The following GOLM2 variants were observed in gnomAD, a reference collection of about 807,000 sequenced individuals.
The protein encoded by GOLM2 is golgi membrane protein 2, also known as protein GOLM2.
Under a neutral mutation model 55.9 loss-of-function variants are expected in GOLM2, and 26 were observed. That is an observed-to-expected ratio of 0.47 (90% CI 0.34 to 0.65). The LOEUF (loss-of-function observed/expected upper bound fraction) is 0.65, where lower values mean the gene tolerates loss of function less well. Among genes scored for constraint, GOLM2 ranks in the 30% least tolerant of loss-of-function variants. GOLM2 has a pLI of 0.01. For synonymous variants in GOLM2, 165 were observed against 194.6 expected (o/e 0.85, Z 1.27); for missense variants, 486 against 531.8 (o/e 0.91, Z 0.85).
intron 6 of GOLM2, 37 bp downstream of exon 6, chr15:44,338,354 T>A: frequency 6.8e-7 from 1 of 1,463,474 alleles, no homozygotes; most frequent in Non-Finnish European, 9.6e-7. Flanking sequence ...ACTAAAGTGA[T>A]GATAATACAT....
chr15:44,313,609 T>A (rs949689773), intron 1 of GOLM2, among the ~76,000 whole-genome samples: 11 of 152,224 alleles, frequency 7.2e-5, no homozygotes, highest in African/African-American at 2.7e-4. Context: ...TTGTTTCTTA[T>A]ATATTGCTGT....
At chr15:44,410,092 T>C (rs2079627181) in intron 9 of GOLM2, among the ~76,000 whole-genome samples, 1 of 152,122 alleles carries the variant, frequency 6.6e-6, no homozygotes, top group Non-Finnish European at 1.5e-5. Context: ...TTCTATAATG[T>C]GGATCCTAAG....
intron 8 of GOLM2, among the ~76,000 whole-genome samples, chr15:44,392,945 C>T (rs1200238439): frequency 6.6e-6 from 1 of 152,070 alleles, no homozygotes; most frequent in African/African-American, 2.4e-5. Flanking sequence ...ATGATTAATT[C>T]TCAAAAACCT....
chr15:44,297,160 C>T (rs56307786), intron 1 of GOLM2, among the ~76,000 whole-genome samples: 1 of 152,030 alleles, frequency 6.6e-6, no homozygotes, highest in Admixed American at 6.6e-5. Context: ...GTTACTTGAT[C>T]GAATTAAAAA....
intron 1 of GOLM2, among the ~76,000 whole-genome samples, chr15:44,300,865 A>G (rs1474412569): frequency 6.6e-6 from 1 of 152,088 alleles, no homozygotes; most frequent in Non-Finnish European, 1.5e-5. Context: ...CTTGTTCTTA[A>G]TTAACTTTAT....
At chr15:44,374,661 T>C (rs1352867180) in intron 6 of GOLM2, among the ~76,000 whole-genome samples, 2 of 152,096 alleles carry the variant, frequency 1.3e-5, no homozygotes, top group African/African-American at 4.8e-5. Flanking sequence ...CATCTTCACA[T>C]GGCCGGAGAA....
intron 8 of GOLM2, among the ~76,000 whole-genome samples, chr15:44,386,285 A>G (rs1182875376): frequency 6.6e-6 from 1 of 152,210 alleles, no homozygotes; most frequent in African/African-American, 2.4e-5. Flanking sequence ...TTTATTGAAA[A>G]GACTCTTCAT....
chr15:44,408,173 T>G (rs541879572), intron 9 of GOLM2, among the ~76,000 whole-genome samples: 4 of 152,342 alleles, frequency 2.6e-5, no homozygotes, highest in African/African-American at 9.6e-5. Flanking sequence ...GATGAACTAT[T>G]TAAAATTTTG....
intron 8 of GOLM2, among the ~76,000 whole-genome samples, chr15:44,397,508 C>CCACACA (rs10695192): frequency 3.1e-5 from 4 of 130,006 alleles, no homozygotes; most frequent in East Asian, 4.5e-4. Context: ...AAAAACAAAA[C>CCACACA]CACACACACA....
intron 6 of GOLM2, among the ~76,000 whole-genome samples, chr15:44,339,990 T>G (rs2079080552): frequency 6.6e-6 from 1 of 151,662 alleles, no homozygotes; most frequent in African/African-American, 2.4e-5. Flanking sequence ...TGACTAATTT[T>G]TATAGTTTTT....
At position 44,389,745 on chromosome 15, in the gene GOLM2, G is replaced by A. The variant is rs117426702; in HGVS notation, c.1072+8769G>A. 2.8e-4 allele frequency among the ~76,000 whole-genome samples: 42 copies of A among 152,240 alleles called. No homozygotes were observed. The East Asian group carries it at 6.9e-3, about 25-fold the overall frequency. The stretch of plus-strand genomic sequence containing the variant: ...CACCCAGGTTGTACTGCATTAGCAC[G>A]TTCATAGCTCACTACAACCTTGACC... On this transcript the variant is annotated intron_variant, in intron 8 of 9. Transcript: ENST00000299957.
chr15:44,374,375 A>G (rs1197278929), intron 6 of GOLM2, among the ~76,000 whole-genome samples: 1 of 152,008 alleles, frequency 6.6e-6, no homozygotes, highest in East Asian at 1.9e-4. Flanking sequence ...GAGGCCAGGC[A>G]CGATGGTTCA....
In GOLM2 at chr15:44,414,181, C is replaced by A. The variant is rs2079658352; in HGVS notation, c.*775C>A. The A allele has an allele frequency of 6.6e-6, 1 of 152,170 alleles. No individual in the cohort carries two copies. The highest frequency in any genetic ancestry group is 2.4e-5 in the African/African-American group (1 of 41,428). 9.4% of individuals were successfully genotyped at this position (152,170 alleles called of 1,614,324 possible). On this transcript the variant is annotated 3_prime_UTR_variant, in exon 10 of 10. Coordinates refer to ENST00000299957, the MANE Select transcript of GOLM2 (RefSeq NM_138423.4). ...CCCAACAGCTGTTCTGTTCTATCTA[C>A]CCCTCATTTCACGCTCAAGGAGTCA... is the stretch of plus-strand genomic sequence containing the variant.
chr15:44,410,989 G>T, intron 9 of GOLM2, among the ~76,000 whole-genome samples: 2 of 133,228 alleles, frequency 1.5e-5, no homozygotes, highest in African/African-American at 5.4e-5. Context: ...GAAAGTTGTT[G>T]AAAAAGAAAG....
At chr15:44,362,259 T>A in intron 6 of GOLM2, among the ~76,000 whole-genome samples, 1 of 152,128 alleles carries the variant, frequency 6.6e-6, no homozygotes, top group African/African-American at 2.4e-5. Context: ...AAATTGTCCC[T>A]GTTTGCAGAC....
At chr15:44,384,590 C>A (rs2079428463) in intron 8 of GOLM2, among the ~76,000 whole-genome samples, 1 of 151,890 alleles carries the variant, frequency 6.6e-6, no homozygotes, top group South Asian at 2.1e-4. Flanking sequence ...ACTAAAAATA[C>A]AAAAAAATTA....
chr15:44,392,385 G>C (rs2079496625), intron 8 of GOLM2, among the ~76,000 whole-genome samples: 1 of 151,990 alleles, frequency 6.6e-6, no homozygotes, highest in South Asian at 2.1e-4. Context: ...CACTTTGGGA[G>C]GCCAAGGCAG....
intron 2 of GOLM2, among the ~76,000 whole-genome samples, chr15:44,325,940 T>C (rs1211801930): frequency 2.0e-5 from 3 of 152,130 alleles, no homozygotes; most frequent in African/African-American, 4.8e-5. Flanking sequence ...AAATCAACCA[T>C]GTTTACATAT....
intron 6 of GOLM2, among the ~76,000 whole-genome samples, chr15:44,373,821 C>CT (rs1193781168): frequency 6.6e-6 from 1 of 152,008 alleles, no homozygotes; most frequent in Non-Finnish European, 1.5e-5. Context: ...ATCCAATTGG[C>CT]TGGGTGCGAT....
Sources: allele counts gnomAD v4.1 joint callset (sites outside exome capture counted in the v4.1 genomes callset), GRCh38; gene constraint gnomAD v4.1.1; transcripts MANE v1.5; gene names NCBI Gene and HGNC (gene_info 2026-07-23, HGNC 2026-07-21).